RNF214: variants seen among roughly 807,000 people sequenced by gnomAD.
RNF214 encodes ring finger protein 214.
In RNF214, 25 loss-of-function variants were observed where a neutral mutation model predicts 75.9. The ratio of observed to expected loss-of-function variants is 0.33; its 90% confidence interval spans 0.24 to 0.46. The LOEUF is 0.46. Among genes scored for constraint, RNF214 ranks in the 20% least tolerant of loss-of-function variants. The probability of loss-of-function intolerance (pLI) is 1.00; values close to 1 mark genes in which losing one functional copy is unlikely to be tolerated. For synonymous variants in RNF214, 314 were observed against 308.8 expected, an observed-to-expected ratio of 1.02 and a Z score of -0.18; for missense variants, 725 against 857.5, an observed-to-expected ratio of 0.85 and a Z score of 1.93.
Position 117,238,986 on chromosome 11 carries a change from A to T in RNF214, c.493A>T (p.Arg165Trp), listed in dbSNP as rs1178112715. ...PQTSILKEGNRDTSLDFRPVV... is the reference protein window; with the variant it reads ...PQTSILKEGNWDTSLDFRPVV... ...AACCTCCATCCTAAAGGAAGGTAAC[A>T]GGGACACAAGCTTGGATTTCCGACC... Residue 165 changes from arginine (R) to tryptophan (W), a missense_variant, in exon 3 of 15, where the codon AGG becomes TGG. By Grantham distance (101) the Arg-to-Trp change is moderately radical. This residue lies in a region of RNF214 where 362 missense variants were observed against 344.5 expected (regional missense o/e 1.05). Transcript: ENST00000300650. The T allele has an allele frequency of 6.2e-7, 1 of 1,614,072 alleles. No individual in the cohort carries two copies. The highest frequency in any genetic ancestry group is 1.3e-5 in the African/African-American group (1 of 74,936).
chr11:117,279,817 C>A, intron 6 of RNF214, 91 bp from the exon 7 acceptor site: 1 of 825,896 alleles, frequency 1.2e-6, no homozygotes, highest in South Asian at 1.8e-5. Flanking sequence ...ACATACTTGG[C>A]TGACCAATTT....
chr11:117,256,860 C>T (rs919096586), intron 6 of RNF214, among the ~76,000 whole-genome samples: 2 of 152,128 alleles, frequency 1.3e-5, no homozygotes, highest in Non-Finnish European at 2.9e-5. Context: ...GCAAGTAGCA[C>T]ATTTCACTTT....
At chr11:117,262,913 TCTC>T (rs2033700577) in intron 6 of RNF214, among the ~76,000 whole-genome samples, 2 of 151,796 alleles carry the variant, frequency 1.3e-5, no homozygotes, top group South Asian at 4.2e-4. Context: ...TTCACACAAT[TCTC>T]CCACCTCAGC....
chr11:117,234,468 G>C, intron 2 of RNF214, 89 bp downstream of exon 2: 2 of 886,118 alleles, frequency 2.3e-6, no homozygotes, highest in Non-Finnish European at 3.8e-6. Context: ...TTTTGGCTCT[G>C]ATGGCACTGC....
intron 11 of RNF214, 50 bp from the exon 12 acceptor site, chr11:117,282,354 C>T (rs1027884160): frequency 4.4e-6 from 7 of 1,602,040 alleles, no homozygotes; most frequent in Middle Eastern, 1.7e-4. Context: ...ATGGGTGTTC[C>T]CCGTGGGTAT....
At chr11:117,239,707 G>T in intron 3 of RNF214, 94 bp from the exon 4 acceptor site, 1 of 732,568 alleles carries the variant, frequency 1.4e-6, no homozygotes. Flanking sequence ...AGAGTAAAAA[G>T]TTAGTTACCT....
chr11:117,242,959 A>G (rs1048850293), intron 4 of RNF214, among the ~76,000 whole-genome samples: 1 of 152,138 alleles, frequency 6.6e-6, no homozygotes, highest in African/African-American at 2.4e-5. Flanking sequence ...TACATTCATC[A>G]GTTGCAGAGA....
chr11:117,270,778 G>T (rs1041571224), intron 6 of RNF214, among the ~76,000 whole-genome samples: 4 of 152,136 alleles, frequency 2.6e-5, no homozygotes, highest in Admixed American at 6.5e-5. Flanking sequence ...TAGAGACAGG[G>T]TCTCACTGTG....
chr11:117,275,187 G>C (rs1198086529), intron 6 of RNF214, among the ~76,000 whole-genome samples: 1 of 152,068 alleles, frequency 6.6e-6, no homozygotes, highest in African/African-American at 2.4e-5. Flanking sequence ...AATCAAGATA[G>C]AAATTAAAAT....
chr11:117,252,613 C>A (rs1253421854), intron 6 of RNF214, among the ~76,000 whole-genome samples: 1 of 151,988 alleles, frequency 6.6e-6, no homozygotes, highest in African/African-American at 2.4e-5. Flanking sequence ...CTCCACCTCC[C>A]GGATTCAAGC....
intron 3 of RNF214, chr11:117,239,383 G>T: frequency 1.9e-6 from 1 of 515,774 alleles, no homozygotes; most frequent in Admixed American, 3.7e-5. Context: ...TAACTGATGA[G>T]TGCAGGACAT....
intron 6 of RNF214, among the ~76,000 whole-genome samples, chr11:117,260,060 C>A (rs945619139): frequency 6.6e-6 from 1 of 151,956 alleles, no homozygotes; most frequent in Non-Finnish European, 1.5e-5. Context: ...TGTCTCTGAT[C>A]CATCTCAAAT....
chr11:117,280,284 TTTAA>T, intron 8 of RNF214, 25 bp downstream of exon 8: 5 of 1,485,096 alleles, frequency 3.4e-6, no homozygotes, highest in South Asian at 1.1e-5. Context: ...GTTCTAGAGC[TTTAA>T]TTGTTTTGCA....
Position 117,244,601 on chromosome 11 carries a change from T to C in RNF214, c.819+16T>C, listed in dbSNP as rs997176248. ...GAATCACCAGGTATTTTGCTTATATTGAAATTGTCAATGAGTTAAGCAACA... is the reference window on the plus strand; with the variant it reads ...GAATCACCAGGTATTTTGCTTATATCGAAATTGTCAATGAGTTAAGCAACA... On this transcript the variant is annotated intron_variant, in intron 5 of 14. Coordinates refer to ENST00000300650, the MANE Select transcript of RNF214 (RefSeq NM_207343.4). The C allele has an allele frequency of 2.5e-6, 4 of 1,584,324 alleles. No homozygotes were observed. In the African/African-American group the frequency reaches 5.6e-5, roughly 22 times the overall value.
intron 1 of RNF214, among the ~76,000 whole-genome samples, chr11:117,233,036 C>T (rs879377370): frequency 1.4e-4 from 21 of 152,128 alleles, no homozygotes; most frequent in Non-Finnish European, 2.6e-4. Flanking sequence ...TGTCCCCTTC[C>T]CGTCTGTCCC....
At chr11:117,270,313 A>T (rs1408083884) in intron 6 of RNF214, among the ~76,000 whole-genome samples, 1 of 133,310 alleles carries the variant, frequency 7.5e-6, no homozygotes, top group Non-Finnish European at 1.5e-5. Context: ...GCTGCAGTAT[A>T]GTAGCACGAT....
chr11:117,238,461 A>T (rs1236571447), intron 2 of RNF214, 140 bp from the exon 3 acceptor site: 1 of 788,644 alleles, frequency 1.3e-6, no homozygotes, highest in Admixed American at 2.8e-5. Context: ...TACTACCTGC[A>T]TACAGGATAG....
intron 6 of RNF214, among the ~76,000 whole-genome samples, chr11:117,277,890 T>A (rs113172713): frequency 0.025 from 3,608 of 146,938 alleles, 77 homozygotes; most frequent in Non-Finnish European, 0.04. Flanking sequence ...AGGAGAATCA[T>A]TTGAACCTGA....
Position 117,285,710 on chromosome 11 carries a change from T to C in RNF214, c.*559T>C, listed in dbSNP as rs2034241186. ...GTAACCCTAGTAGTTTGACTTCTTA[T>C]TGAATATTTTACTGTGTTAACGCTC... is the stretch of plus-strand genomic sequence containing the variant. On this transcript the variant is annotated 3_prime_UTR_variant, in exon 15 of 15. Coordinates refer to ENST00000300650, the MANE Select transcript of RNF214 (RefSeq NM_207343.4). 6.6e-6 allele frequency: 1 copy of C among 152,602 alleles called. No homozygotes were observed. Among genetic ancestry groups the C allele is most frequent in the African/African-American group, 2.4e-5 (1 of 41,476 alleles). 9.5% of individuals were successfully genotyped at this position (152,602 alleles called of 1,614,324 possible).
Sources: gnomAD v4.1 joint callset for allele counts (sites outside exome capture counted in the v4.1 genomes callset) on GRCh38, gnomAD v4.1.1 for gene constraint, gnomAD v4.1.1 regional missense constraint, MANE v1.5 for transcripts, NCBI Gene and HGNC (gene_info 2026-07-23, HGNC 2026-07-21) for gene names.